Variants in TTC28 observed in about 807,000 individuals in gnomAD.
TTC28 encodes tetratricopeptide repeat domain 28.
TTC28 carries 61 observed loss-of-function variants against 198.0 expected under a neutral mutation model. That is an observed-to-expected ratio of 0.31 (90% CI 0.25 to 0.38). TTC28 has a LOEUF of 0.38. Ranked by LOEUF, TTC28 falls within the 10% of genes least tolerant of loss-of-function variation. The pLI is 1.00. For missense variants in TTC28, 2,678 were observed against 3,164.0 expected (o/e 0.85, Z 3.69); for synonymous variants, 1,171 against 1,297.8 (o/e 0.90, Z 2.10).
Position 28,243,015 on chromosome 22 carries a change from T to A in TTC28, c.933+53183A>T, listed in dbSNP as rs184291322. Among the ~76,000 whole-genome samples, 288 of 149,008 alleles carry A rather than the reference T, an allele frequency of 1.9e-3. 2 individuals carry two copies. The highest frequency in any genetic ancestry group is 2.3e-3 in the Non-Finnish European group (157 of 67,370). The stretch of plus-strand genomic sequence containing the variant: ...TAAAAATCAATCTGACAGAGTCATT[T>A]TAATCTATTTAATCTAATAATTAAA... On this transcript the variant is annotated intron_variant, in intron 5 of 22. Coordinates refer to ENST00000397906, the MANE Select transcript of TTC28 (RefSeq NM_001145418.2).
chr22:28,438,948 C>T (rs2047568191), intron 2 of TTC28, among the ~76,000 whole-genome samples: 1 of 152,166 alleles, frequency 6.6e-6, no homozygotes, highest in Admixed American at 6.5e-5. Flanking sequence ...TGATTTCTCC[C>T]TCCCTACTAT....
At chr22:28,590,371 C>T (rs965159852) in intron 2 of TTC28, among the ~76,000 whole-genome samples, 13 of 151,954 alleles carry the variant, frequency 8.6e-5, no homozygotes, top group African/African-American at 2.7e-4. Flanking sequence ...CCTTGTGATC[C>T]GCCCACCTTG....
chr22:28,553,340 G>A (rs2049724939), intron 2 of TTC28, among the ~76,000 whole-genome samples: 1 of 150,830 alleles, frequency 6.6e-6, no homozygotes, highest in Admixed American at 6.6e-5. Context: ...TAGGAAGTGA[G>A]GAGCCCCTCT....
chr22:28,560,689 G>A (rs2049855777), intron 2 of TTC28, among the ~76,000 whole-genome samples: 1 of 152,036 alleles, frequency 6.6e-6, no homozygotes, highest in Admixed American at 6.5e-5. Flanking sequence ...CTTCTCAGAT[G>A]ACCTCCTCAG....
intron 12 of TTC28, among the ~76,000 whole-genome samples, chr22:28,037,461 T>C (rs1043522510): frequency 3.3e-5 from 5 of 152,106 alleles, no homozygotes; most frequent in Non-Finnish European, 5.9e-5. Context: ...TTGGCAAAAT[T>C]CAACAACCCT....
rs1268199495 is a variant in TTC28 at position 28,225,366 on chromosome 22, GAAAAGAAGAAGAA to G, written c.934-61780_934-61768del. Among the ~76,000 whole-genome samples the G allele has an allele frequency of 1.5e-3, 125 of 83,006 alleles. 1 individual carries two copies. The highest frequency in any genetic ancestry group is 5.0e-3 in the African/African-American group (118 of 23,710). The allele number at this position is 83,006 out of a possible 152,430, so 54.5% of individuals were successfully genotyped here. ...TGAGAGATTCTGTTAAAAAAAAAAA[GAAAAGAAGAAGAA>G]GAAGAAGAAGAAGAAGAAGAAGAAA... On this transcript the variant is annotated intron_variant, in intron 5 of 22. Coordinates refer to ENST00000397906, the MANE Select transcript of TTC28 (RefSeq NM_001145418.2).
chr22:28,279,325 T>C (rs1467536300), intron 5 of TTC28, among the ~76,000 whole-genome samples: 3 of 152,214 alleles, frequency 2.0e-5, no homozygotes, highest in Admixed American at 6.5e-5. Context: ...TCAGATAAAA[T>C]TTATAAATAA....
intron 12 of TTC28, among the ~76,000 whole-genome samples, chr22:28,086,256 C>G (rs375130698): frequency 1.8e-4 from 28 of 152,002 alleles, no homozygotes; most frequent in African/African-American, 3.9e-4. Context: ...TGACCACATA[C>G]TTGGAAGTAA....
At chr22:28,625,026 T>C (rs1459612274) in intron 2 of TTC28, among the ~76,000 whole-genome samples, 1 of 151,794 alleles carries the variant, frequency 6.6e-6, no homozygotes, top group Non-Finnish European at 1.5e-5. Flanking sequence ...GAAGAAAAAA[T>C]AGACAAAATT....
chr22:28,282,908 T>C (rs930227630), intron 5 of TTC28, among the ~76,000 whole-genome samples: 1 of 152,180 alleles, frequency 6.6e-6, no homozygotes, highest in African/African-American at 2.4e-5. Context: ...ATTATACATA[T>C]ATATACATAT....
At chr22:27,990,916 G>A in intron 19 of TTC28, 104 bp from the exon 20 acceptor site, 1 of 1,207,800 alleles carries the variant, frequency 8.3e-7, no homozygotes, top group South Asian at 1.4e-5. Context: ...TGTTTAGGAA[G>A]CGCCACACCA....
intron 2 of TTC28, among the ~76,000 whole-genome samples, chr22:28,311,380 A>G (rs1257892841): frequency 4.6e-5 from 7 of 152,224 alleles, no homozygotes; most frequent in East Asian, 1.9e-4. Flanking sequence ...TGATTATAAG[A>G]GGCCAAAACT....
At chr22:28,559,897 T>C (rs1307195620) in intron 2 of TTC28, among the ~76,000 whole-genome samples, 1 of 152,218 alleles carries the variant, frequency 6.6e-6, no homozygotes, top group Non-Finnish European at 1.5e-5. Flanking sequence ...CTACCACCTA[T>C]GTGCTGGCAA....
chr22:28,618,284 CA>C, intron 2 of TTC28, among the ~76,000 whole-genome samples: 1 of 151,978 alleles, frequency 6.6e-6, no homozygotes, highest in East Asian at 1.9e-4. Context: ...CTCAATCAAT[CA>C]ATCAATCAAT....
intron 8 of TTC28, among the ~76,000 whole-genome samples, chr22:28,104,569 A>C (rs1473076101): frequency 2.6e-5 from 4 of 152,142 alleles, no homozygotes; most frequent in African/African-American, 9.7e-5. Flanking sequence ...TCTCAATGTA[A>C]AGAGGTGGAG....
intron 12 of TTC28, among the ~76,000 whole-genome samples, chr22:28,051,524 C>G (rs1940086591): frequency 6.6e-6 from 1 of 152,102 alleles, no homozygotes; most frequent in Non-Finnish European, 1.5e-5. Context: ...AATTGGATTT[C>G]TACAAGGATC....
At chr22:28,652,083 G>A (rs942971644) in intron 1 of TTC28, among the ~76,000 whole-genome samples, 3 of 149,066 alleles carry the variant, frequency 2.0e-5, no homozygotes, top group Non-Finnish European at 3.0e-5. Context: ...CAGGTGATCC[G>A]CCCACATTGG....
chr22:28,395,984 G>T (rs957172194), intron 2 of TTC28, among the ~76,000 whole-genome samples: 2 of 152,118 alleles, frequency 1.3e-5, no homozygotes, highest in African/African-American at 4.8e-5. Flanking sequence ...GAGGTTAAGT[G>T]GTTTGTCCAA....
intron 12 of TTC28, among the ~76,000 whole-genome samples, chr22:28,036,013 G>C (rs1939327814): frequency 6.6e-6 from 1 of 152,088 alleles, no homozygotes; most frequent in African/African-American, 2.4e-5. Flanking sequence ...CCTACAAAGA[G>C]ACTTAGACTC....
Sources: allele counts gnomAD v4.1 joint callset (sites outside exome capture counted in the v4.1 genomes callset), GRCh38; gene constraint gnomAD v4.1.1; transcripts MANE v1.5; gene names NCBI Gene and HGNC (gene_info 2026-07-23, HGNC 2026-07-21).